DLC1: variants seen among roughly 807,000 people sequenced by gnomAD.
DLC1 encodes the protein rho GTPase-activating protein 7.
DLC1 carries 54 observed loss-of-function variants against 140.3 expected under a neutral mutation model. The ratio of observed to expected loss-of-function variants is 0.38; its 90% CI spans 0.31 to 0.48. The LOEUF is 0.48. DLC1 is among the 20% of genes least tolerant of loss of function. The pLI is 0.96. For synonymous variants in DLC1, 986 were observed against 728.1 expected, an observed-to-expected ratio of 1.35 and a Z score of -5.70; for missense variants, 2,536 against 1,907.0, an observed-to-expected ratio of 1.33 and a Z score of -6.14.
intron 2 of DLC1, among the ~76,000 whole-genome samples, chr8:13,427,072 T>C (rs1213888681): frequency 6.6e-6 from 1 of 152,146 alleles, no homozygotes; most frequent in African/African-American, 2.4e-5. Flanking sequence ...CTCCTTGCCT[T>C]GTTTTGTTTT....
intron 1 of DLC1, among the ~76,000 whole-genome samples, chr8:13,521,942 A>G (rs146252034): frequency 1.1e-4 from 16 of 152,300 alleles, no homozygotes; most frequent in Non-Finnish European, 2.2e-4. Flanking sequence ...CCCACATTCA[A>G]CATGTGTCAT....
chr8:13,504,606 G>C (rs1008098233), intron 1 of DLC1, among the ~76,000 whole-genome samples: 6 of 152,182 alleles, frequency 3.9e-5, no homozygotes, highest in Non-Finnish European at 7.3e-5. Context: ...TAAGCAAATG[G>C]TTCTAAATGT....
At chr8:13,583,298 A>G (rs1349501600) in intron 1 of DLC1, among the ~76,000 whole-genome samples, 1 of 152,194 alleles carries the variant, frequency 6.6e-6, no homozygotes, top group African/African-American at 2.4e-5. Context: ...AATATTCCAA[A>G]TCCATTGGTG....
chr8:13,223,735 A>C (rs936766486), intron 5 of DLC1, among the ~76,000 whole-genome samples: 1 of 152,214 alleles, frequency 6.6e-6, no homozygotes, highest in African/African-American at 2.4e-5. Context: ...TTAGGAATAC[A>C]TATATATGAA....
At chr8:13,416,902 C>T (rs1217750188) in intron 2 of DLC1, among the ~76,000 whole-genome samples, 1 of 151,922 alleles carries the variant, frequency 6.6e-6, no homozygotes, top group East Asian at 1.9e-4. Context: ...TTTTTCACTA[C>T]CTCTATCCCT....
intron 5 of DLC1, among the ~76,000 whole-genome samples, chr8:13,191,414 G>C (rs1025263096): frequency 6.6e-6 from 1 of 152,228 alleles, no homozygotes; most frequent in Non-Finnish European, 1.5e-5. Flanking sequence ...GGCTGAGGCA[G>C]AAGAATCACT....
At chr8:13,161,686 T>C (rs7813492) in intron 5 of DLC1, among the ~76,000 whole-genome samples, 17,512 of 152,154 alleles carry the variant, frequency 0.12, 2,824 homozygotes, top group African/African-American at 0.36. Flanking sequence ...GTGACTGGTT[T>C]ATATGTACCT....
chr8:13,143,240 A>C (rs1286735308), intron 5 of DLC1, among the ~76,000 whole-genome samples: 2 of 152,224 alleles, frequency 1.3e-5, no homozygotes, highest in Non-Finnish European at 2.9e-5. Flanking sequence ...ACCATCAATT[A>C]AATCTCAGCA....
chr8:13,470,771 T>A (rs1800169839), intron 2 of DLC1, among the ~76,000 whole-genome samples: 1 of 152,178 alleles, frequency 6.6e-6, no homozygotes, highest in East Asian at 1.9e-4. Flanking sequence ...CCCACTACTC[T>A]GTATATATAC....
chr8:13,435,654 T>C (rs1031452755), intron 2 of DLC1, among the ~76,000 whole-genome samples: 4 of 152,198 alleles, frequency 2.6e-5, no homozygotes, highest in African/African-American at 9.6e-5. Context: ...AATGGTTCTT[T>C]CAGATGGCAT....
chr8:13,522,087 G>A (rs11778407), intron 1 of DLC1, among the ~76,000 whole-genome samples: 3,821 of 152,196 alleles, frequency 0.025, 74 homozygotes, highest in South Asian at 0.077. Flanking sequence ...GCCTTTGTCA[G>A]AACTTTATAC....
At chr8:13,548,891 C>G (rs1215109171) in intron 1 of DLC1, among the ~76,000 whole-genome samples, 1 of 151,952 alleles carries the variant, frequency 6.6e-6, no homozygotes, top group Non-Finnish European at 1.5e-5. Flanking sequence ...GCTCTGGGCT[C>G]CAGAAAAATG....
intron 5 of DLC1, among the ~76,000 whole-genome samples, chr8:13,122,470 G>C (rs77674049): frequency 6.6e-6 from 1 of 151,844 alleles, no homozygotes; most frequent in Non-Finnish European, 1.5e-5. Flanking sequence ...GAATTACAGA[G>C]AGGTTGGTGT....
At chr8:13,141,284 A>AAAAAAAAAAAC in intron 5 of DLC1, among the ~76,000 whole-genome samples, 1 of 145,456 alleles carries the variant, frequency 6.9e-6, no homozygotes, top group Non-Finnish European at 1.5e-5. Context: ...AAAAAAAAAA[A>AAAAAAAAAAAC]GCCAGCTGCT....
At chr8:13,404,774 A>C in intron 2 of DLC1, among the ~76,000 whole-genome samples, 1 of 152,124 alleles carries the variant, frequency 6.6e-6, no homozygotes, top group East Asian at 1.9e-4. Flanking sequence ...GAGGTGGGTG[A>C]ATCACTTGAG....
At chr8:13,351,176 T>C (rs1413469463) in intron 4 of DLC1, among the ~76,000 whole-genome samples, 2 of 152,238 alleles carry the variant, frequency 1.3e-5, no homozygotes, top group Non-Finnish European at 2.9e-5. Flanking sequence ...AACATGTGTA[T>C]AGTATCTGTT....
At chr8:13,254,329 A>AG (rs1830127097) in intron 5 of DLC1, among the ~76,000 whole-genome samples, 1 of 152,198 alleles carries the variant, frequency 6.6e-6, no homozygotes, top group African/African-American at 2.4e-5. Context: ...CTACCCACTC[A>AG]GGGGCCGGCT....
intron 5 of DLC1, among the ~76,000 whole-genome samples, chr8:13,123,631 G>A (rs530345168): frequency 1.1e-4 from 17 of 151,978 alleles, no homozygotes; most frequent in African/African-American, 3.6e-4. Context: ...GATGACTGGC[G>A]TGGGCCGTGG....
Position 13,578,833 on chromosome 8 carries a change from CT to C in DLC1, c.-126+25703del, listed in dbSNP as rs1480422293. ...ACCCAGAAGCCCTCCAAACCCTGTC[CT>C]TTAGGTTTTCTGTGGAGACTTCATC... is the stretch of plus-strand genomic sequence containing the variant. On this transcript the variant is annotated intron_variant, in intron 1 of 1. Coordinates refer to the DLC1 transcript ENST00000631382. Among the ~76,000 whole-genome samples the C allele has an allele frequency of 9.9e-5, 15 of 152,172 alleles. No homozygotes were observed. The South Asian group carries it at 3.1e-3, about 32-fold the overall frequency.
Sources: gnomAD v4.1 joint callset for allele counts (sites outside exome capture counted in the v4.1 genomes callset) on GRCh38, gnomAD v4.1.1 for gene constraint, MANE v1.5 for transcripts, NCBI Gene and HGNC (gene_info 2026-07-23, HGNC 2026-07-21) for gene names.